SMG5: variants seen among roughly 807,000 people sequenced by gnomAD.
The protein encoded by SMG5 is nonsense-mediated mRNA decay factor SMG5.
A neutral mutation model predicts 122.9 loss-of-function variants in SMG5; 53 were observed. That is an observed-to-expected ratio of 0.43 (90% CI 0.35 to 0.54). SMG5 has a LOEUF of 0.54. SMG5 is among the 20% of genes least tolerant of loss of function. The pLI is 0.01. For missense variants in SMG5, 1,153 were observed against 1,285.6 expected (o/e 0.90, Z 1.58); for synonymous variants, 477 against 490.2 (o/e 0.97, Z 0.35).
At position 156,249,753 on chromosome 1, in the gene SMG5, T is replaced by C. The variant is rs751444104; in HGVS notation, c.*834A>G. 29 of 470,698 alleles carry C rather than the reference T, an allele frequency of 6.2e-5. No homozygotes were observed. The highest frequency in any genetic ancestry group is 5.4e-4 in the African/African-American group (27 of 50,196). 29.2% of individuals were successfully genotyped at this position (470,698 alleles called of 1,614,324 possible). A position where few individuals can be genotyped will look rare whatever the true frequency, so the allele number is the denominator to read the frequency against. On this transcript the variant is annotated 3_prime_UTR_variant, in exon 22 of 22. Transcript: ENST00000361813. ...GGTGGTGGCCTCAGACTGCACCCCC[T>C]TTCTTCTCTTCCTGGCATCCCATTC... is the stretch of plus-strand genomic sequence containing the variant.
chr1:156,273,596 GCA>G (rs1380728528), intron 5 of SMG5, 146 bp from the exon 6 acceptor site: 8 of 692,212 alleles, frequency 1.2e-5, no homozygotes, highest in South Asian at 1.8e-5. Context: ...GGGGTCTCTG[GCA>G]CAGTCCTAAA....
chr1:156,257,547 A>G (rs1441625499), intron 16 of SMG5, among the ~76,000 whole-genome samples: 1 of 152,156 alleles, frequency 6.6e-6, no homozygotes, highest in African/African-American at 2.4e-5. Context: ...GGCTAGAGGA[A>G]ATGCCTGCAA....
At chr1:156,258,721 G>A (rs186036653) in intron 16 of SMG5, among the ~76,000 whole-genome samples, 44 of 152,202 alleles carry the variant, frequency 2.9e-4, no homozygotes, top group African/African-American at 9.6e-4. Context: ...ACTTGAACCT[G>A]GGAGCCGGAG....
At chr1:156,281,201 G>A (rs1175202884) in intron 1 of SMG5, among the ~76,000 whole-genome samples, 1 of 152,182 alleles carries the variant, frequency 6.6e-6, no homozygotes, top group African/African-American at 2.4e-5. Context: ...CACAATTACA[G>A]GCAGATACCC....
upstream of SMG5, chr1:156,286,330 G>A (rs1572607784): frequency 1.4e-5 from 23 of 1,614,128 alleles, no homozygotes; most frequent in Non-Finnish European, 1.8e-5. Flanking sequence ...CACGGCGGGA[G>A]GTGGAGATCC....
At chr1:156,261,541 C>A in intron 13 of SMG5, 133 bp from the exon 14 acceptor site, 1 of 710,108 alleles carries the variant, frequency 1.4e-6, no homozygotes, top group Admixed American at 2.9e-5. Flanking sequence ...TTAAAATTAA[C>A]AAAAGAAGCC....
chr1:156,250,519 G>A lies in SMG5; in HGVS notation c.*68C>T. ...GTGTGGTGGGGTGACTACAGGTGCT[G>A]GTCCTGGCTGCCAGGGAGGGCAGGA... On this transcript the variant is annotated 3_prime_UTR_variant, in exon 22 of 22. Coordinates refer to ENST00000361813, the MANE Select transcript of SMG5 (RefSeq NM_015327.3). 5.1e-6 allele frequency: 7 copies of A among 1,383,330 alleles called. No individual in the cohort carries two copies. Among genetic ancestry groups the A allele is most frequent in the Non-Finnish European group, 7.2e-6 (7 of 970,842 alleles). 85.7% of individuals were successfully genotyped at this position (1,383,330 alleles called of 1,614,324 possible). A position where few individuals can be genotyped will look rare whatever the true frequency, so the allele number is the denominator to read the frequency against.
Position 156,282,729 on chromosome 1 carries a change from C to T in SMG5, c.-49G>A. 6.5e-7 allele frequency: 1 copy of T among 1,543,798 alleles called. No individual in the cohort carries two copies. Among genetic ancestry groups the T allele is most frequent in the Admixed American group, 1.9e-5 (1 of 52,748 alleles). On this transcript the variant is annotated 5_prime_UTR_variant, in exon 1 of 22. The change creates a new upstream start codon in the 5' untranslated region. Coordinates refer to ENST00000361813, the MANE Select transcript of SMG5 (RefSeq NM_015327.3). ...CCCGGTCACAGGCCCCTGCCACCCA[C>T]CACTACCGCCAACACTGCCGTCTCC... is the stretch of plus-strand genomic sequence containing the variant.
Position 156,273,511 on chromosome 1 carries a change from C to A in SMG5, c.545-61G>T, listed in dbSNP as rs931924745. The A allele has an allele frequency of 8.7e-6, 13 of 1,486,230 alleles. No individual in the cohort carries two copies. In the African/African-American group the frequency reaches 1.4e-4, roughly 16 times the overall value. 92.1% of individuals were successfully genotyped at this position (1,486,230 alleles called of 1,614,324 possible). A position where few individuals can be genotyped will look rare whatever the true frequency, so the allele number is the denominator to read the frequency against. ...TTTTAAGTTTCAGAAAACCCTCCCC[C>A]ACATCTGGGAGTCCACTCTGAGAGT... On this transcript the variant is annotated intron_variant, in intron 5 of 21. Coordinates refer to ENST00000361813, the MANE Select transcript of SMG5 (RefSeq NM_015327.3).
At position 156,262,477 on chromosome 1, in the gene SMG5, G is replaced by GCA. The variant is rs1385257056; in HGVS notation, c.2031+917_2031+918insTG. 1.0e-4 allele frequency among the ~76,000 whole-genome samples: 7 copies of GCA among 66,978 alleles called. 1 individual carries two copies. In the Admixed American group the frequency reaches 1.1e-3, roughly 11 times the overall value. The allele number at this position is 66,978 out of a possible 152,430, so 43.9% of individuals were successfully genotyped here. On this transcript the variant is annotated intron_variant, in intron 13 of 21. Transcript: ENST00000361813. ...GGCGACAGAGCCAGACTCCATCTCA[G>GCA]AAAAAAAAAAAAAAAAAAAAAGGAG...
chr1:156,287,572 G>T (rs577986179), upstream of SMG5, among the ~76,000 whole-genome samples: 1 of 148,244 alleles, frequency 6.7e-6, no homozygotes, highest in East Asian at 2.0e-4. Flanking sequence ...AACCAAGGAT[G>T]TGTGAGCTCT....
chr1:156,269,500 G>A (rs989307548), intron 7 of SMG5, among the ~76,000 whole-genome samples: 1 of 152,070 alleles, frequency 6.6e-6, no homozygotes, highest in African/African-American at 2.4e-5. Context: ...ACTTTGGGAG[G>A]CTGAGGCGGG....
intron 19 of SMG5, 103 bp from the exon 20 acceptor site, chr1:156,251,580 G>C: frequency 8.6e-7 from 1 of 1,158,996 alleles, no homozygotes; most frequent in Non-Finnish European, 1.3e-6. Context: ...TTGCAGGCGG[G>C]GCTGGGGAAC....
intron 18 of SMG5, 27 bp downstream of exon 18, chr1:156,252,888 CTCTG>C: frequency 6.6e-7 from 1 of 1,519,892 alleles, no homozygotes; most frequent in East Asian, 2.3e-5. Flanking sequence ...TTTAGTCATA[CTCTG>C]TCTCCTTACC....
upstream of SMG5, chr1:156,285,908 C>A (rs755500391): frequency 6.3e-7 from 1 of 1,599,290 alleles, no homozygotes; most frequent in African/African-American, 1.4e-5. Flanking sequence ...TGATGTCCCA[C>A]GGCTGCCCAC....
intron 13 of SMG5, among the ~76,000 whole-genome samples, chr1:156,262,399 C>T (rs931623214): frequency 4.7e-5 from 7 of 147,886 alleles, no homozygotes. Flanking sequence ...TGGTATGAAC[C>T]TAGGAGGCGG....
At position 156,249,725 on chromosome 1, in the gene SMG5, G is replaced by T. The variant is rs972968683; in HGVS notation, c.*862C>A. 2.1e-6 allele frequency: 1 copy of T among 469,580 alleles called. No homozygotes were observed. Among genetic ancestry groups the T allele is most frequent in the South Asian group, 1.6e-5 (1 of 64,496 alleles). 29.1% of individuals were successfully genotyped at this position (469,580 alleles called of 1,614,324 possible). ...CTTCAGCCCTCCCTTAGATAGGAAG[G>T]GGGGTGGTGGCCTCAGACTGCACCC... On this transcript the variant is annotated 3_prime_UTR_variant, in exon 22 of 22. Coordinates refer to ENST00000361813, the MANE Select transcript of SMG5 (RefSeq NM_015327.3).
intron 19 of SMG5, 59 bp downstream of exon 19, chr1:156,252,355 A>C (rs1661388737): frequency 2.0e-6 from 3 of 1,521,768 alleles, no homozygotes; most frequent in South Asian, 1.1e-5. Context: ...TTTCATAAGC[A>C]TGTGTTATCC....
Position 156,251,254 on chromosome 1 carries a change from C to T in SMG5, c.2828+149G>A, listed in dbSNP as rs1302683406. 2.6e-5 allele frequency: 26 copies of T among 1,011,812 alleles called. No individual in the cohort carries two copies. The East Asian group carries it at 4.0e-4, about 16-fold the overall frequency. 62.7% of individuals were successfully genotyped at this position (1,011,812 alleles called of 1,614,324 possible). A position where few individuals can be genotyped will look rare whatever the true frequency, so the allele number is the denominator to read the frequency against. ...GCTCAGGTGCTGCGGCAACTTCGTA[C>T]TCCTCGCAAGGTGAGGCCTGCAGGA... On this transcript the variant is annotated intron_variant, in intron 20 of 21. Transcript: ENST00000361813.
Sources: allele counts gnomAD v4.1 joint callset (sites outside exome capture counted in the v4.1 genomes callset), GRCh38; gene constraint gnomAD v4.1.1; transcripts MANE v1.5; gene names NCBI Gene and HGNC (gene_info 2026-07-23, HGNC 2026-07-21).